The following DDB2 variants were observed in gnomAD, a reference collection of about 807,000 sequenced individuals.
DDB2 encodes the protein damage specific DNA binding protein 2.
A neutral mutation model predicts 50.5 loss-of-function variants in DDB2; 27 were observed. The observed-to-expected ratio is 0.53, with a 90% CI of 0.39 to 0.74. DDB2 has a LOEUF of 0.74. DDB2 is among the 30% of genes least tolerant of loss of function. DDB2 has a pLI of 0.00. For missense variants in DDB2, 424 were observed against 545.6 expected (o/e 0.78, Z 2.22); for synonymous variants, 176 against 205.5 (o/e 0.86, Z 1.23).
rs182264349 is a variant in DDB2, at chr11:47,215,866, C to A, written c.128-470C>A. 1.3e-3 allele frequency: 346 copies of A among 272,404 alleles called. 3 individuals carry two copies. Among genetic ancestry groups the A allele is most frequent in the South Asian group, 5.4e-3 (144 of 26,572 alleles). The allele number at this position is 272,404 out of a possible 1,614,324, so 16.9% of individuals were successfully genotyped here. On this transcript the variant is annotated intron_variant, in intron 1 of 9. Transcript: ENST00000256996. Reference sequence around the variant, plus strand: ...TTTATTGCTATTCTAATTTCACTTACCTCCCCAGAAGTAACCTAGTTAAGA... The same window carrying A: ...TTTATTGCTATTCTAATTTCACTTAACTCCCCAGAAGTAACCTAGTTAAGA...
chr11:47,228,485 AC>A (rs577084182), intron 3 of DDB2, among the ~76,000 whole-genome samples: 1 of 151,684 alleles, frequency 6.6e-6, no homozygotes, highest in Non-Finnish European at 1.5e-5. Context: ...TACTAAAAAT[AC>A]ACAAAAATTC....
At chr11:47,237,636 C>T (rs985468834) in intron 7 of DDB2, 2 of 565,714 alleles carry the variant, frequency 3.5e-6, no homozygotes, top group African/African-American at 1.9e-5. Flanking sequence ...GGGGTTTCAC[C>T]ATGTTAGCCA....
chr11:47,235,027 CT>C, intron 6 of DDB2, 93 bp downstream of exon 6: 1 of 1,456,880 alleles, frequency 6.9e-7, no homozygotes, highest in Non-Finnish European at 9.6e-7. Context: ...TACGTCAAAC[CT>C]TTACCCCTGA....
At chr11:47,222,039 A>G (rs1004423938) in intron 3 of DDB2, among the ~76,000 whole-genome samples, 13 of 152,214 alleles carry the variant, frequency 8.5e-5, no homozygotes, top group Admixed American at 4.6e-4. Flanking sequence ...GTTTTGACAT[A>G]TGTGTACAAC....
Position 47,233,023 on chromosome 11 carries a change from C to T in DDB2, c.602+64C>T. The T allele has an allele frequency of 2.5e-6, 4 of 1,571,766 alleles. No individual in the cohort carries two copies. The South Asian group carries it at 4.4e-5, about 17-fold the overall frequency. ...TTAGGTGTAGTTCCGGCAAGAGCAT[C>T]CAGATCCCATTTCCTTAACCCAACC... On this transcript the variant is annotated intron_variant, in intron 4 of 9. Coordinates refer to ENST00000256996, the MANE Select transcript of DDB2 (RefSeq NM_000107.3).
At chr11:47,217,573 A>G (rs1375225984) in intron 3 of DDB2, among the ~76,000 whole-genome samples, 1 of 152,174 alleles carries the variant, frequency 6.6e-6, no homozygotes, top group Non-Finnish European at 1.5e-5. Flanking sequence ...TAGAAGATAT[A>G]GACTATTGAT....
intron 4 of DDB2, chr11:47,233,185 G>A (rs1953673675): frequency 8.4e-6 from 5 of 598,070 alleles, no homozygotes; most frequent in Non-Finnish European, 1.5e-5. Flanking sequence ...CAGCTCTTCT[G>A]TAAGTCATAC....
chr11:47,237,308 G>A lies in DDB2; in HGVS notation c.1024-529G>A, dbSNP rs4647755. ...GAGAAGGCCTGAAGGTGCCCTAAGG[G>A]CCAGGGAGGCCAGCTAGGGATTAAA... is the stretch of plus-strand genomic sequence containing the variant. On this transcript the variant is annotated intron_variant, in intron 7 of 9. Coordinates refer to ENST00000256996, the MANE Select transcript of DDB2 (RefSeq NM_000107.3). Among the ~76,000 whole-genome samples, 1,011 of 152,318 alleles carry A rather than the reference G, an allele frequency of 6.6e-3. 15 individuals are homozygous for A. The highest frequency in any genetic ancestry group is 0.022 in the African/African-American group (933 of 41,564).
chr11:47,223,823 A>C lies in DDB2; in HGVS notation c.456+6774A>C, dbSNP rs187269412. ...AAGAATAAAAATAAAGATGATTTCTAGTTGGGCTCAATGGTTCATGCCTGT... is the reference window on the plus strand; with the variant it reads ...AAGAATAAAAATAAAGATGATTTCTCGTTGGGCTCAATGGTTCATGCCTGT... On this transcript the variant is annotated intron_variant, in intron 3 of 9. Coordinates refer to ENST00000256996, the MANE Select transcript of DDB2 (RefSeq NM_000107.3). 4.7e-3 allele frequency among the ~76,000 whole-genome samples: 709 copies of C among 151,998 alleles called. 5 individuals are homozygous for C. Among genetic ancestry groups the C allele is most frequent in the Non-Finnish European group, 7.4e-3 (505 of 67,942 alleles).
At chr11:47,230,021 C>A (rs1953622195) in intron 3 of DDB2, among the ~76,000 whole-genome samples, 2 of 150,904 alleles carry the variant, frequency 1.3e-5, no homozygotes, top group Admixed American at 1.3e-4. Flanking sequence ...TTTATAGAGG[C>A]TGGACCCAGT....
At position 47,235,394 on chromosome 11, in the gene DDB2, G is replaced by T; in HGVS notation, c.1005G>T (p.Gln335His). Residue 335 changes from glutamine to histidine, a missense_variant, in exon 7 of 10, where the codon CAG becomes CAT. By Grantham distance (24) the Gln-to-His change is conservative. Coordinates refer to ENST00000256996, the MANE Select transcript of DDB2 (RefSeq NM_000107.3). ...GLIPHPHRHF[Q>H]HLTPIKAAWH... ...TCCCGCACCCTCACCGTCACTTCCA[G>T]CACCTCACACCCATCAAGGTGAGTG... The T allele has an allele frequency of 6.2e-7, 1 of 1,613,102 alleles. No individual in the cohort carries two copies.
Position 47,215,175 on chromosome 11 carries a change from C to G in DDB2, c.39C>G (p.Ser13=). The change falls in exon 1 of 10, where the codon TCC becomes TCG. Residue 13 remains serine (S), a synonymous_variant. Transcript: ENST00000256996. ...AACGCCCAGAAACCCAGAAGACCTC[C>G]GAGATTGTATTACGCCCCAGGAACA... ...PKKRPETQKT[S]EIVLRPRNKR... The G allele has an allele frequency of 6.2e-7, 1 of 1,614,062 alleles. No homozygotes were observed. Among genetic ancestry groups the G allele is most frequent in the Non-Finnish European group, 8.5e-7 (1 of 1,180,028 alleles).
chr11:47,238,125 C>CT lies in DDB2; in HGVS notation c.1189-11dup. ...TTCACCCTCTCCTCATGTTGACACT[C>CT]TTGTCTCTGCAGCTTAATGAATTCA... On this transcript the variant is annotated splice_polypyrimidine_tract_variant and intron_variant, in intron 8 of 9. Coordinates refer to ENST00000256996, the MANE Select transcript of DDB2 (RefSeq NM_000107.3). The CT allele has an allele frequency of 6.2e-7, 1 of 1,612,492 alleles. No individual in the cohort carries two copies. Among genetic ancestry groups the CT allele is most frequent in the South Asian group, 1.1e-5 (1 of 90,752 alleles).
intron 3 of DDB2, among the ~76,000 whole-genome samples, chr11:47,229,054 G>A (rs962776831): frequency 7.1e-6 from 1 of 141,554 alleles, no homozygotes; most frequent in African/African-American, 2.6e-5. Context: ...TTCCCTTCCT[G>A]AACAGTTCAA....
At chr11:47,230,004 A>G (rs1362781115) in intron 3 of DDB2, among the ~76,000 whole-genome samples, 4 of 151,610 alleles carry the variant, frequency 2.6e-5, no homozygotes, top group Non-Finnish European at 5.9e-5. Flanking sequence ...CTAATTTTTA[A>G]TAATTTTTTA....
chr11:47,228,985 CTATCTAT>C (rs1953603827), intron 3 of DDB2, among the ~76,000 whole-genome samples: 1 of 100,178 alleles, frequency 1.0e-5, no homozygotes, highest in East Asian at 7.2e-4. Flanking sequence ...AAATATCTAT[CTATCTAT>C]CTATCTATCT....
chr11:47,226,962 T>TA (rs1321732609), intron 3 of DDB2, among the ~76,000 whole-genome samples: 4 of 151,224 alleles, frequency 2.6e-5, no homozygotes, highest in Admixed American at 6.6e-5. Context: ...CTTACTAAGT[T>TA]AAAAAAAAAT....
intron 3 of DDB2, among the ~76,000 whole-genome samples, chr11:47,226,498 C>T (rs984217317): frequency 2.0e-5 from 3 of 152,024 alleles, no homozygotes; most frequent in Non-Finnish European, 2.9e-5. Flanking sequence ...GTCTTGAACT[C>T]CCGACCTCAG....
At chr11:47,229,705 T>G (rs1007773157) in intron 3 of DDB2, 1 of 335,596 alleles carries the variant, frequency 3.0e-6, no homozygotes, top group African/African-American at 2.2e-5. Flanking sequence ...TTTAAGGTTT[T>G]CAGTATACAA....
Sources: gnomAD v4.1 joint callset for allele counts (sites outside exome capture counted in the v4.1 genomes callset) on GRCh38, gnomAD v4.1.1 for gene constraint, MANE v1.5 for transcripts, NCBI Gene and HGNC (gene_info 2026-07-23, HGNC 2026-07-21) for gene names.